DLG2: variants seen among roughly 807,000 people sequenced by gnomAD.
DLG2 encodes discs large MAGUK scaffold protein 2, also known as disks large homolog 2.
In DLG2, 45 loss-of-function variants were observed where a neutral mutation model predicts 132.5. The observed-to-expected ratio is 0.34, with a 90% CI of 0.27 to 0.44. The LOEUF is 0.44. DLG2 is among the 20% of genes least tolerant of loss of function. The pLI, the probability that DLG2 is intolerant of heterozygous loss-of-function variation, is 1.00. For missense variants in DLG2, 1,045 were observed against 1,196.9 expected (o/e 0.87, Z 1.87); for synonymous variants, 424 against 419.6 (o/e 1.01, Z -0.13).
chr11:85,439,330 T>C (rs1258086716), intron 3 of DLG2, among the ~76,000 whole-genome samples: 1 of 152,002 alleles, frequency 6.6e-6, no homozygotes, highest in African/African-American at 2.4e-5. Flanking sequence ...AGCTACTTTA[T>C]TACTTTTAGG....
At chr11:83,538,432 C>T (rs1368561923) in intron 20 of DLG2, among the ~76,000 whole-genome samples, 2 of 152,200 alleles carry the variant, frequency 1.3e-5, no homozygotes, top group African/African-American at 2.4e-5. Flanking sequence ...AGGCTTAGCC[C>T]TCTGCTGCCA....
At chr11:84,207,079 C>CTA (rs553787844) in intron 8 of DLG2, among the ~76,000 whole-genome samples, 19 of 99,322 alleles carry the variant, frequency 1.9e-4, no homozygotes, top group Admixed American at 5.4e-4. Flanking sequence ...CTCTCTCTCT[C>CTA]TCTATATATA....
At chr11:84,720,837 T>TGAAGAA (rs573052708) in intron 6 of DLG2, 123 of 150,374 alleles carry the variant, frequency 8.2e-4, no homozygotes, top group African/African-American at 2.9e-3. Context: ...TTATTCCCTC[T>TGAAGAA]GAAGAAGAAG....
chr11:85,252,784 G>A (rs2076464067), intron 4 of DLG2, among the ~76,000 whole-genome samples: 2 of 151,804 alleles, frequency 1.3e-5, no homozygotes, highest in South Asian at 2.1e-4. Context: ...TGTGGGGAAA[G>A]GAAAAAAATA....
intron 10 of DLG2, among the ~76,000 whole-genome samples, chr11:84,070,471 A>G (rs1037113432): frequency 6.6e-6 from 1 of 152,214 alleles, no homozygotes; most frequent in Non-Finnish European, 1.5e-5. Context: ...ACCTGCATAG[A>G]ACCTAAAATA....
chr11:85,505,113 A>G (rs2093898099), intron 3 of DLG2, among the ~76,000 whole-genome samples: 1 of 152,070 alleles, frequency 6.6e-6, no homozygotes, highest in Non-Finnish European at 1.5e-5. Flanking sequence ...GGTTAAGGAG[A>G]TTTTGGGCTG....
chr11:85,540,428 T>C (rs1439861510), intron 3 of DLG2, among the ~76,000 whole-genome samples: 1 of 152,110 alleles, frequency 6.6e-6, no homozygotes, highest in Admixed American at 6.5e-5. Context: ...TGGTCAGTAG[T>C]GATCAGAGGA....
chr11:84,445,964 A>G (rs898838987), intron 7 of DLG2, among the ~76,000 whole-genome samples: 25 of 150,744 alleles, frequency 1.7e-4, no homozygotes, highest in Non-Finnish European at 2.8e-4. Context: ...TAACTCTTCA[A>G]ATATTTATTT....
intron 10 of DLG2, among the ~76,000 whole-genome samples, chr11:84,080,200 A>T (rs965189278): frequency 1.3e-5 from 2 of 152,224 alleles, no homozygotes; most frequent in African/African-American, 4.8e-5. Flanking sequence ...AATAAATAAC[A>T]ACAGTTTGGG....
chr11:84,418,027 T>A (rs2098935850), intron 7 of DLG2, among the ~76,000 whole-genome samples: 1 of 152,174 alleles, frequency 6.6e-6, no homozygotes, highest in Non-Finnish European at 1.5e-5. Flanking sequence ...AGAGCCAAAC[T>A]CAATGTCCAA....
At chr11:85,480,125 A>C (rs750876706) in intron 3 of DLG2, among the ~76,000 whole-genome samples, 2 of 152,202 alleles carry the variant, frequency 1.3e-5, no homozygotes, top group Non-Finnish European at 2.9e-5. Context: ...AAGTATTGGC[A>C]AGGAATGGGG....
intron 3 of DLG2, among the ~76,000 whole-genome samples, chr11:85,478,900 T>C (rs902686399): frequency 3.3e-5 from 5 of 152,214 alleles, no homozygotes; most frequent in South Asian, 2.1e-4. Context: ...AAGACCTAAA[T>C]TTTGAAAGCA....
chr11:85,390,004 A>G (rs114731372), intron 3 of DLG2, among the ~76,000 whole-genome samples: 1,547 of 152,294 alleles, frequency 0.01, 13 homozygotes, highest in Non-Finnish European at 0.015. Context: ...AGTACCTCAC[A>G]TCTCCATACT....
At position 85,464,455 on chromosome 11, in the gene DLG2, G is replaced by A. The variant is rs550768911; in HGVS notation, c.40+134202C>T. On this transcript the variant is annotated intron_variant, in intron 3 of 27. Transcript: ENST00000376104. ...GTTGGGGATGAAATCATAATGGTAT[G>A]GAAAATGTTCCCTGTGAGCTTAGTC... 1.2e-4 allele frequency among the ~76,000 whole-genome samples: 19 copies of A among 152,236 alleles called. No individual in the cohort carries two copies. In the South Asian group the frequency reaches 3.7e-3, roughly 30 times the overall value.
At chr11:84,091,231 GA>G (rs2097088215) in intron 10 of DLG2, among the ~76,000 whole-genome samples, 1 of 152,194 alleles carries the variant, frequency 6.6e-6, no homozygotes. Context: ...ACTGTTCAGA[GA>G]AATTCATCTA....
chr11:83,473,285 T>A (rs936147198), intron 22 of DLG2, among the ~76,000 whole-genome samples: 1 of 152,276 alleles, frequency 6.6e-6, no homozygotes, highest in Non-Finnish European at 1.5e-5. Flanking sequence ...TAATATTAAT[T>A]CGTCAGGAAA....
chr11:85,308,637 T>A (rs1388839195), intron 3 of DLG2, among the ~76,000 whole-genome samples: 2 of 152,122 alleles, frequency 1.3e-5, no homozygotes, highest in Admixed American at 6.6e-5. Flanking sequence ...TTTTTGTAGT[T>A]CCCCTTAACT....
At chr11:84,823,592 C>A (rs1381099161) in intron 6 of DLG2, among the ~76,000 whole-genome samples, 1 of 146,400 alleles carries the variant, frequency 6.8e-6, no homozygotes, top group South Asian at 2.2e-4. Flanking sequence ...CACACACACA[C>A]ACACACACAC....
chr11:84,312,615 G>A (rs1298417425), intron 7 of DLG2, among the ~76,000 whole-genome samples: 1 of 151,876 alleles, frequency 6.6e-6, no homozygotes, highest in Non-Finnish European at 1.5e-5. Flanking sequence ...CATTCATTGT[G>A]GTTATCTGCA....
Sources: allele counts gnomAD v4.1 joint callset (sites outside exome capture counted in the v4.1 genomes callset), GRCh38; gene constraint gnomAD v4.1.1; transcripts MANE v1.5; gene names NCBI Gene and HGNC (gene_info 2026-07-23, HGNC 2026-07-21).